LAMA2: variants seen among roughly 807,000 people sequenced by gnomAD.
LAMA2 encodes laminin subunit alpha-2.
In LAMA2, 269 loss-of-function variants were observed where a neutral mutation model predicts 364.8. That is an observed-to-expected ratio of 0.74 (90% CI 0.67 to 0.82). LAMA2 has a LOEUF of 0.82. LAMA2 is among the 40% of genes least tolerant of loss of function. The probability of loss-of-function intolerance (pLI) is 0.00; values close to 1 mark genes in which losing one functional copy is unlikely to be tolerated. For synonymous variants in LAMA2, 1,379 were observed against 1,370.6 expected, an observed-to-expected ratio of 1.01 and a Z score of -0.14; for missense variants, 3,807 against 3,873.2, an observed-to-expected ratio of 0.98 and a Z score of 0.45.
At chr6:129,508,899 C>A (rs552214174) in intron 62 of LAMA2, among the ~76,000 whole-genome samples, 1 of 152,232 alleles carries the variant, frequency 6.6e-6, no homozygotes, top group Admixed American at 6.5e-5. Context: ...TATGGTAGCT[C>A]TATTTTTGGT....
intron 39 of LAMA2, among the ~76,000 whole-genome samples, chr6:129,402,704 A>G (rs1186297670): frequency 6.6e-6 from 1 of 152,192 alleles, no homozygotes; most frequent in African/African-American, 2.4e-5. Context: ...AGACTCAAAT[A>G]TGGCTTAGTA....
At chr6:129,341,597 T>C (rs1776270843) in intron 29 of LAMA2, among the ~76,000 whole-genome samples, 1 of 152,240 alleles carries the variant, frequency 6.6e-6, no homozygotes, top group South Asian at 2.1e-4. Flanking sequence ...GAAGGTAGGA[T>C]GTTCTTTCAT....
At chr6:129,425,245 GTTTA>G (rs1457960448) in intron 40 of LAMA2, among the ~76,000 whole-genome samples, 3 of 151,906 alleles carry the variant, frequency 2.0e-5, no homozygotes, top group Non-Finnish European at 4.4e-5. Flanking sequence ...GGTTTGCATG[GTTTA>G]TTTATGCCAG....
intron 9 of LAMA2, among the ~76,000 whole-genome samples, chr6:129,173,208 T>G (rs1376309900): frequency 6.6e-6 from 1 of 152,214 alleles, no homozygotes; most frequent in Non-Finnish European, 1.5e-5. Context: ...CCGATTCAGT[T>G]TTTTAGTGAG....
At chr6:129,384,074 T>C (rs957706791) in intron 35 of LAMA2, among the ~76,000 whole-genome samples, 4 of 152,172 alleles carry the variant, frequency 2.6e-5, no homozygotes, top group African/African-American at 9.7e-5. Flanking sequence ...TAGGCATCAC[T>C]GGCCAAGAAG....
intron 62 of LAMA2, among the ~76,000 whole-genome samples, chr6:129,511,407 G>A (rs1786563634): frequency 6.6e-6 from 1 of 151,882 alleles, no homozygotes; most frequent in Admixed American, 6.6e-5. Flanking sequence ...TTTATTTCCA[G>A]AAGGGGTGTC....
Position 129,036,392 on chromosome 6 carries a change from T to G in LAMA2, c.113-13526T>G, listed in dbSNP as rs75803107. 3.2e-4 allele frequency among the ~76,000 whole-genome samples: 49 copies of G among 152,264 alleles called. 1 individual carries two copies. In the East Asian group the frequency reaches 8.7e-3, roughly 27 times the overall value. On this transcript the variant is annotated intron_variant, in intron 1 of 64. Transcript: ENST00000421865. The stretch of plus-strand genomic sequence containing the variant: ...GCTGGACCAAGTGGATAAGATGACA[T>G]TTGAATCCATAGTGGACCTTGTAGC...
chr6:129,101,581 C>A (rs1775523526), intron 4 of LAMA2, among the ~76,000 whole-genome samples: 1 of 152,078 alleles, frequency 6.6e-6, no homozygotes, highest in African/African-American at 2.4e-5. Flanking sequence ...TAGCCACTAG[C>A]CATATGTGGT....
At chr6:129,334,809 CT>C (rs1296174951) in intron 29 of LAMA2, among the ~76,000 whole-genome samples, 1 of 152,148 alleles carries the variant, frequency 6.6e-6, no homozygotes, top group Non-Finnish European at 1.5e-5. Flanking sequence ...CTAGATAGCT[CT>C]CTGGGGTCTC....
intron 1 of LAMA2, among the ~76,000 whole-genome samples, chr6:128,898,476 A>G (rs1159275196): frequency 1.3e-5 from 2 of 151,732 alleles, no homozygotes; most frequent in Non-Finnish European, 1.5e-5. Context: ...TCTTTCCTTC[A>G]CCTCCCAGAT....
intron 12 of LAMA2, among the ~76,000 whole-genome samples, chr6:129,223,607 C>T (rs1784033286): frequency 6.6e-6 from 1 of 152,170 alleles, no homozygotes; most frequent in Non-Finnish European, 1.5e-5. Context: ...GGAATCCATT[C>T]CCCATTGCTT....
intron 4 of LAMA2, among the ~76,000 whole-genome samples, chr6:129,100,231 G>C (rs946958678): frequency 2.0e-5 from 3 of 152,058 alleles, no homozygotes; most frequent in Non-Finnish European, 2.9e-5. Flanking sequence ...TAGTTAATTA[G>C]TTAGTTTCTT....
At chr6:129,023,945 G>T (rs4291116) in intron 1 of LAMA2, among the ~76,000 whole-genome samples, 139,892 of 152,174 alleles carry the variant, frequency 0.92, 64,714 homozygotes, top group East Asian at 0.97. Flanking sequence ...TGTTGTTTTG[G>T]TTTGGTTTTA....
At chr6:129,150,645 T>C (rs1291431515) in intron 7 of LAMA2, among the ~76,000 whole-genome samples, 1 of 152,222 alleles carries the variant, frequency 6.6e-6, no homozygotes, top group South Asian at 2.1e-4. Flanking sequence ...AATAGTGGAA[T>C]TGTGAAACAC....
At chr6:129,142,368 C>A (rs1778176899) in intron 4 of LAMA2, among the ~76,000 whole-genome samples, 1 of 151,928 alleles carries the variant, frequency 6.6e-6, no homozygotes, top group African/African-American at 2.4e-5. Context: ...TTCTTGTAGC[C>A]TCACATGGTT....
At chr6:129,242,784 T>A (rs1785483267) in intron 12 of LAMA2, among the ~76,000 whole-genome samples, 1 of 152,114 alleles carries the variant, frequency 6.6e-6, no homozygotes, top group Non-Finnish European at 1.5e-5. Flanking sequence ...ATTTCACCAC[T>A]ACCATTTACT....
intron 1 of LAMA2, among the ~76,000 whole-genome samples, chr6:128,936,084 G>A (rs11969817): frequency 0.13 from 19,478 of 152,174 alleles, 1,572 homozygotes; most frequent in African/African-American, 0.23. Flanking sequence ...TGCCTTGTGA[G>A]GAAGGTACCT....
At chr6:129,356,191 A>T (rs965436179) in intron 32 of LAMA2, among the ~76,000 whole-genome samples, 1 of 152,092 alleles carries the variant, frequency 6.6e-6, no homozygotes, top group Non-Finnish European at 1.5e-5. Flanking sequence ...CACTACTATC[A>T]TGAAGAATGT....
intron 7 of LAMA2, among the ~76,000 whole-genome samples, chr6:129,151,163 G>T (rs949843979): frequency 6.6e-6 from 1 of 152,182 alleles, no homozygotes; most frequent in Admixed American, 6.5e-5. Flanking sequence ...GCAGCCTACA[G>T]ACAGAAAGTG....
Sources: allele counts gnomAD v4.1 joint callset (sites outside exome capture counted in the v4.1 genomes callset), GRCh38; gene constraint gnomAD v4.1.1; transcripts MANE v1.5; gene names NCBI Gene and HGNC (gene_info 2026-07-23, HGNC 2026-07-21).